Variants in KHDRBS2 observed in about 807,000 individuals in gnomAD.
KHDRBS2 encodes the protein KH domain-containing, RNA-binding, signal transduction-associated protein 2.
In KHDRBS2, 26 loss-of-function variants were observed where a neutral mutation model predicts 44.3. That is an observed-to-expected ratio of 0.59 (90% CI 0.43 to 0.81). KHDRBS2 has a LOEUF of 0.81. Ranked by LOEUF, KHDRBS2 falls within the 40% of genes least tolerant of loss-of-function variation. The pLI, the probability that KHDRBS2 is intolerant of heterozygous loss-of-function variation, is 0.00. For missense variants in KHDRBS2, 476 were observed against 433.1 expected, an observed-to-expected ratio of 1.10 and a Z score of -0.88; for synonymous variants, 194 against 151.1, an observed-to-expected ratio of 1.28 and a Z score of -2.08.
rs201614431 is a variant in KHDRBS2 at position 62,062,264 on chromosome 6, T to C, written c.220-14270A>G. Reference sequence around the variant, plus strand: ...GATACCCAGGAATTGAACTCAGCTCTGCACCAAGCAGACCTAATAGACGTC... The same window carrying C: ...GATACCCAGGAATTGAACTCAGCTCCGCACCAAGCAGACCTAATAGACGTC... On this transcript the variant is annotated intron_variant, in intron 2 of 8. Coordinates refer to ENST00000281156, the MANE Select transcript of KHDRBS2 (RefSeq NM_152688.4). Among the ~76,000 whole-genome samples, 17 of 148,716 alleles carry C rather than the reference T, an allele frequency of 1.1e-4. No homozygotes were observed. In the East Asian group the frequency reaches 3.4e-3, roughly 30 times the overall value.
chr6:61,722,646 T>A lies in KHDRBS2; in HGVS notation c.893+10036A>T, dbSNP rs1295439110. On this transcript the variant is annotated intron_variant, in intron 7 of 8. Transcript: ENST00000281156. ...AATCAGCATTTCTTCTGATTTAGAC[T>A]GTGACAGTGCTCATATAATATTAAT... 1.3e-5 allele frequency among the ~76,000 whole-genome samples: 2 copies of A among 152,168 alleles called. 1 individual carries two copies. Among genetic ancestry groups the A allele is most frequent in the Admixed American group, 1.3e-4 (2 of 15,260 alleles).
chr6:61,633,586 A>G, the KHDRBS2 span, among the ~76,000 whole-genome samples: 1 of 151,990 alleles, frequency 6.6e-6, no homozygotes, highest in Admixed American at 6.6e-5. Flanking sequence ...TGCATGTGCC[A>G]TTTTAATTTT....
At chr6:61,758,204 T>G (rs1778793293) in intron 6 of KHDRBS2, among the ~76,000 whole-genome samples, 1 of 152,144 alleles carries the variant, frequency 6.6e-6, no homozygotes, top group Non-Finnish European at 1.5e-5. Flanking sequence ...CTTATCTTAT[T>G]TGTTTCCTGT....
intron 2 of KHDRBS2, among the ~76,000 whole-genome samples, chr6:62,144,512 C>T (rs927255266): frequency 2.6e-5 from 4 of 151,748 alleles, no homozygotes; most frequent in South Asian, 2.1e-4. Flanking sequence ...TACCTGTATA[C>T]GTAAATTCTA....
intron 2 of KHDRBS2, among the ~76,000 whole-genome samples, chr6:62,107,753 T>C (rs2127380115): frequency 6.6e-6 from 1 of 152,036 alleles, no homozygotes; most frequent in Admixed American, 6.6e-5. Context: ...GAGATATAAA[T>C]CAAGGGAACA....
intron 6 of KHDRBS2, among the ~76,000 whole-genome samples, chr6:61,773,880 G>T (rs983110916): frequency 1.1e-4 from 16 of 150,648 alleles, no homozygotes; most frequent in African/African-American, 3.6e-4. Flanking sequence ...AGTTTTCCCA[G>T]CACCATTTAT....
the KHDRBS2 span, among the ~76,000 whole-genome samples, chr6:61,590,367 G>C: frequency 4.6e-5 from 7 of 152,034 alleles, no homozygotes; most frequent in African/African-American, 1.7e-4. Context: ...ACAGCTCTGC[G>C]GTCTCCCAAG....
intron 6 of KHDRBS2, among the ~76,000 whole-genome samples, chr6:61,846,240 C>G (rs886630930): frequency 2.0e-5 from 3 of 152,172 alleles, no homozygotes; most frequent in African/African-American, 7.2e-5. Flanking sequence ...TAGACTAATA[C>G]ACTAGGCAAG....
chr6:61,968,233 T>C (rs368982784), intron 4 of KHDRBS2, among the ~76,000 whole-genome samples: 4 of 152,110 alleles, frequency 2.6e-5, no homozygotes, highest in Admixed American at 1.3e-4. Flanking sequence ...CCATTCTTAC[T>C]GTGAGAATGA....
chr6:61,831,427 T>C lies in KHDRBS2; in HGVS notation c.810+63208A>G, dbSNP rs1209452918. ...ACCCTTACTTTTACTTAATAAAATA[T>C]ATTTCTATCAATATTATTATTATTT... is the stretch of plus-strand genomic sequence containing the variant. On this transcript the variant is annotated intron_variant, in intron 6 of 8. Coordinates refer to ENST00000281156, the MANE Select transcript of KHDRBS2 (RefSeq NM_152688.4). Among the ~76,000 whole-genome samples the C allele has an allele frequency of 2.6e-5, 4 of 152,114 alleles. No individual in the cohort carries two copies. The East Asian group carries it at 5.8e-4, about 22-fold the overall frequency.
intron 4 of KHDRBS2, among the ~76,000 whole-genome samples, chr6:61,916,888 A>G (rs769443533): frequency 6.6e-6 from 1 of 151,620 alleles, no homozygotes; most frequent in Non-Finnish European, 1.5e-5. Flanking sequence ...ACCACTATGT[A>G]CTTATTAGAA....
At chr6:61,857,483 G>C (rs975450714) in intron 6 of KHDRBS2, among the ~76,000 whole-genome samples, 5 of 151,578 alleles carry the variant, frequency 3.3e-5, no homozygotes, top group African/African-American at 1.2e-4. Flanking sequence ...CTGGCATACA[G>C]ATATTTTCTT....
At chr6:61,616,617 G>C in the KHDRBS2 span, among the ~76,000 whole-genome samples, 1 of 151,758 alleles carries the variant, frequency 6.6e-6, no homozygotes, top group South Asian at 2.1e-4. Flanking sequence ...CATCTGCAAA[G>C]GTCAAATATG....
intron 1 of KHDRBS2, among the ~76,000 whole-genome samples, chr6:62,252,234 T>G (rs1162618967): frequency 6.6e-6 from 1 of 151,910 alleles, no homozygotes; most frequent in Non-Finnish European, 1.5e-5. Context: ...ATGGTAGACT[T>G]GTTTGCAGCA....
At chr6:62,124,535 C>A (rs189910506) in intron 2 of KHDRBS2, among the ~76,000 whole-genome samples, 62 of 151,458 alleles carry the variant, frequency 4.1e-4, no homozygotes, top group African/African-American at 1.4e-3. Flanking sequence ...TCAATAGGAA[C>A]TTGCTCAATT....
At chr6:62,257,579 A>C (rs1369557526) in intron 1 of KHDRBS2, among the ~76,000 whole-genome samples, 1 of 152,050 alleles carries the variant, frequency 6.6e-6, no homozygotes, top group African/African-American at 2.4e-5. Context: ...AGTGCCTGAA[A>C]GTCTTCAAGC....
chr6:61,566,712 AC>A, the KHDRBS2 span, among the ~76,000 whole-genome samples: 1 of 106,864 alleles, frequency 9.4e-6, no homozygotes, highest in African/African-American at 3.6e-5. Context: ...ACTTTAAAAA[AC>A]GTTCGCTCTT....
chr6:62,089,858 T>C (rs181158927), intron 2 of KHDRBS2, among the ~76,000 whole-genome samples: 2 of 152,268 alleles, frequency 1.3e-5, no homozygotes, highest in African/African-American at 2.4e-5. Context: ...GTGTAAAGGC[T>C]GAATAAAGAT....
intron 6 of KHDRBS2, among the ~76,000 whole-genome samples, chr6:61,809,392 T>C (rs1376695442): frequency 2.0e-5 from 3 of 152,280 alleles, no homozygotes; most frequent in Middle Eastern, 3.4e-3. Flanking sequence ...GACATTTGGT[T>C]AGCTAGAAAC....
Sources: allele counts gnomAD v4.1 joint callset (sites outside exome capture counted in the v4.1 genomes callset), GRCh38; gene constraint gnomAD v4.1.1; transcripts MANE v1.5; gene names NCBI Gene and HGNC (gene_info 2026-07-23, HGNC 2026-07-21).